CYSTM1: variants seen among roughly 807,000 people sequenced by gnomAD.
CYSTM1 encodes the protein cysteine-rich transmembrane module-containing protein 1.
Under a neutral mutation model 13.1 loss-of-function variants are expected in CYSTM1, and 4 were observed. The ratio of observed to expected loss-of-function variants is 0.31; its 90% confidence interval spans 0.15 to 0.70. CYSTM1 has a LOEUF of 0.70. Ranked by LOEUF, CYSTM1 falls within the 30% of genes least tolerant of loss-of-function variation. CYSTM1 has a pLI of 0.72. For missense variants in CYSTM1, 96 were observed against 121.6 expected, an observed-to-expected ratio of 0.79 and a Z score of 0.99; for synonymous variants, 36 against 42.7, an observed-to-expected ratio of 0.84 and a Z score of 0.62.
At chr5:140,195,240 G>A (rs905002386) in intron 2 of CYSTM1, among the ~76,000 whole-genome samples, 1 of 152,186 alleles carries the variant, frequency 6.6e-6, no homozygotes, top group Non-Finnish European at 1.5e-5. Flanking sequence ...TACAGAAAGT[G>A]AGAGTAAACA....
chr5:140,207,952 G>A (rs1272870876), intron 2 of CYSTM1, among the ~76,000 whole-genome samples: 1 of 152,168 alleles, frequency 6.6e-6, no homozygotes, highest in Non-Finnish European at 1.5e-5. Context: ...AAATGCTGGA[G>A]AGGTTGTGAA....
intron 1 of CYSTM1, among the ~76,000 whole-genome samples, chr5:140,182,648 A>T (rs1359978937): frequency 6.6e-6 from 1 of 150,430 alleles, no homozygotes; most frequent in Non-Finnish European, 1.5e-5. Context: ...TTTTTAACTC[A>T]TCAATAACCC....
intron 2 of CYSTM1, among the ~76,000 whole-genome samples, chr5:140,197,219 T>G (rs1204679677): frequency 6.6e-6 from 1 of 152,234 alleles, no homozygotes; most frequent in Non-Finnish European, 1.5e-5. Context: ...GTGGACTTTG[T>G]CCACTGTTCA....
intron 2 of CYSTM1, among the ~76,000 whole-genome samples, chr5:140,196,493 CTG>C (rs1236145713): frequency 1.2e-4 from 18 of 152,178 alleles, no homozygotes; most frequent in Non-Finnish European, 2.2e-4. Flanking sequence ...AGCTTATACT[CTG>C]TTAAGATTGA....
At chr5:140,193,325 C>T (rs1764114503) in intron 1 of CYSTM1, among the ~76,000 whole-genome samples, 1 of 152,124 alleles carries the variant, frequency 6.6e-6, no homozygotes, top group African/African-American at 2.4e-5. Context: ...ACTTTGTTGC[C>T]CAGGCTGGAG....
intron 2 of CYSTM1, among the ~76,000 whole-genome samples, chr5:140,205,052 G>A (rs1371010847): frequency 6.6e-6 from 1 of 152,152 alleles, no homozygotes; most frequent in African/African-American, 2.4e-5. Flanking sequence ...TGCCCCCATG[G>A]AGCTCAAAAG....
At chr5:140,206,631 T>G (rs899284661) in intron 2 of CYSTM1, among the ~76,000 whole-genome samples, 35 of 151,858 alleles carry the variant, frequency 2.3e-4, no homozygotes, top group African/African-American at 8.2e-4. Context: ...TGTTTGTTTG[T>G]TTGTTTGTTT....
At chr5:140,226,586 T>TTATATATATATATATATATATATATA (rs549334525) in intron 2 of CYSTM1, among the ~76,000 whole-genome samples, 11 of 75,272 alleles carry the variant, frequency 1.5e-4, no homozygotes, top group East Asian at 3.0e-4. Flanking sequence ...ATACTAAATA[T>TTATATATATATATATATATATATATA]TATATATATA....
At chr5:140,238,591 C>G (rs1048485655) in intron 2 of CYSTM1, among the ~76,000 whole-genome samples, 1 of 152,206 alleles carries the variant, frequency 6.6e-6, no homozygotes, top group East Asian at 1.9e-4. Context: ...GGGTAGTAAA[C>G]GATGCCACTG....
In CYSTM1 at chr5:140,194,510, G is replaced by C. The variant is rs148748004; in HGVS notation, c.45G>C (p.Thr15=). 1.9e-6 allele frequency: 3 copies of C among 1,610,356 alleles called. No individual in the cohort carries two copies. Among genetic ancestry groups the C allele is most frequent in the Non-Finnish European group, 2.5e-6 (3 of 1,178,930 alleles). ...NPPPYPGPGP[T]APYPPYPPQP... ...CACCATATCCAGGCCCTGGTCCAAC[G>C]GCCCCATACCCACCTTATCCACCAC... Residue 15 remains threonine, a synonymous_variant, in exon 2 of 3, where the codon ACG becomes ACC. Transcript: ENST00000261811.
Position 140,205,842 on chromosome 5 carries a change from A to T in CYSTM1, c.187+11190A>T, listed in dbSNP as rs1481416789. On this transcript the variant is annotated intron_variant, in intron 2 of 2. Transcript: ENST00000261811. Reference sequence around the variant, plus strand: ...TGAGGGTCACTCCTGATCTATCCCCACTGGCCTGAGGAAACTGGGACAGCT... The same window carrying T: ...TGAGGGTCACTCCTGATCTATCCCCTCTGGCCTGAGGAAACTGGGACAGCT... Among the ~76,000 whole-genome samples, 3 of 152,206 alleles carry T rather than the reference A, an allele frequency of 2.0e-5. No homozygotes were observed. In the East Asian group the frequency reaches 5.8e-4, roughly 29 times the overall value.
intron 2 of CYSTM1, among the ~76,000 whole-genome samples, chr5:140,212,703 A>G (rs1764382419): frequency 6.6e-6 from 1 of 152,150 alleles, no homozygotes; most frequent in South Asian, 2.1e-4. Context: ...ACAATGGCTC[A>G]CACCTGTAAT....
chr5:140,238,129 T>G (rs2126672997), intron 2 of CYSTM1, among the ~76,000 whole-genome samples: 1 of 152,176 alleles, frequency 6.6e-6, no homozygotes, highest in East Asian at 1.9e-4. Context: ...GGGACTAAGC[T>G]TCACAGAAAA....
intron 2 of CYSTM1, among the ~76,000 whole-genome samples, chr5:140,218,356 G>A (rs895303637): frequency 4.6e-5 from 7 of 152,178 alleles, no homozygotes; most frequent in Admixed American, 6.5e-5. Flanking sequence ...GTGTCTTAGC[G>A]ATTGGGAAGC....
chr5:140,191,991 G>T (rs1052839093), intron 1 of CYSTM1, among the ~76,000 whole-genome samples: 5 of 152,146 alleles, frequency 3.3e-5, no homozygotes, highest in Non-Finnish European at 7.4e-5. Context: ...AGGGTGTGTT[G>T]CCAGTTGCAG....
intron 1 of CYSTM1, among the ~76,000 whole-genome samples, chr5:140,181,129 C>T (rs768168698): frequency 8.5e-5 from 13 of 152,162 alleles, no homozygotes; most frequent in South Asian, 4.1e-4. Context: ...TAATGCTGCA[C>T]GCAGTACTTT....
Position 140,243,233 on chromosome 5 carries a change from T to C in CYSTM1, c.188-72T>C. On this transcript the variant is annotated intron_variant, in intron 2 of 2. Coordinates refer to ENST00000261811, the MANE Select transcript of CYSTM1 (RefSeq NM_032412.4). The stretch of plus-strand genomic sequence containing the variant: ...CCCTGGTGTAGCCTTCCTGTGGTCC[T>C]GGGAGGCTAACTTTGCAGGGCCTGG... 2.3e-6 allele frequency: 3 copies of C among 1,278,590 alleles called. No homozygotes were observed. The South Asian group carries it at 3.6e-5, about 15-fold the overall frequency. The allele number at this position is 1,278,590 out of a possible 1,614,324, so 79.2% of individuals were successfully genotyped here.
intron 1 of CYSTM1, among the ~76,000 whole-genome samples, chr5:140,176,385 G>T (rs1389979469): frequency 6.6e-6 from 1 of 152,176 alleles, no homozygotes; most frequent in African/African-American, 2.4e-5. Flanking sequence ...AAAAATAATT[G>T]TACATATTTA....
chr5:140,231,811 C>T (rs181174944), intron 2 of CYSTM1, among the ~76,000 whole-genome samples: 92 of 152,262 alleles, frequency 6.0e-4, no homozygotes, highest in African/African-American at 2.1e-3. Context: ...ACATTAGGAG[C>T]AGTTGAGAAA....
Sources: allele counts gnomAD v4.1 joint callset (sites outside exome capture counted in the v4.1 genomes callset), GRCh38; gene constraint gnomAD v4.1.1; transcripts MANE v1.5; gene names NCBI Gene and HGNC (gene_info 2026-07-23, HGNC 2026-07-21).